FCHO1: variants seen among roughly 807,000 people sequenced by gnomAD.
FCHO1 encodes the protein FCH and mu domain containing endocytic adaptor 1, also known as F-BAR domain only protein 1.
FCHO1 carries 45 observed loss-of-function variants against 114.4 expected under a neutral mutation model. The observed-to-expected ratio is 0.39, with a 90% CI of 0.31 to 0.50. The LOEUF is 0.50. Among genes scored for constraint, FCHO1 ranks in the 20% least tolerant of loss-of-function variants. The pLI, the probability that FCHO1 is intolerant of heterozygous loss-of-function variation, is 0.77. For synonymous variants in FCHO1, 480 were observed against 488.9 expected (o/e 0.98, Z 0.24); for missense variants, 1,042 against 1,209.6 (o/e 0.86, Z 2.06).
chr19:17,767,395 C>CAAA (rs3083683), intron 7 of FCHO1, among the ~76,000 whole-genome samples: 4 of 130,768 alleles, frequency 3.1e-5, no homozygotes, highest in African/African-American at 5.9e-5. Context: ...CCATCTTTAC[C>CAAA]AAAAAAAAAA....
rs569872484 is a variant in FCHO1, at chr19:17,784,630, C to T, written c.2227-95C>T. 181 of 1,172,754 alleles carry T rather than the reference C, an allele frequency of 1.5e-4. No individual in the cohort carries two copies. The African/African-American group carries it at 2.2e-3, about 15-fold the overall frequency. 72.6% of individuals were successfully genotyped at this position (1,172,754 alleles called of 1,614,324 possible). On this transcript the variant is annotated intron_variant, in intron 25 of 28. Coordinates refer to ENST00000596536, the MANE Select transcript of FCHO1 (RefSeq NM_015122.3). The surrounding 1 kb of genome is among the most constrained non-coding windows in gnomAD (Gnocchi z 5.3). ...GTGACTGGACCCCCTTGGGGCGGTG[C>T]GTGCATCGCAGGGTCAAGGTGGTTG...
rs953061953 is a variant in FCHO1 at position 17,764,285 on chromosome 19, T to C, written c.120-90T>C. The C allele has an allele frequency of 7.6e-6, 10 of 1,317,690 alleles. No individual in the cohort carries two copies. In the African/African-American group the frequency reaches 1.2e-4, roughly 15 times the overall value. 81.6% of individuals were successfully genotyped at this position (1,317,690 alleles called of 1,614,324 possible). Reference sequence around the variant, plus strand: ...TGAACTCCTAACCTCAGGTGATCCGTCCGCCTCGGCCTCCCAGAGTGCTGG... The same window carrying C: ...TGAACTCCTAACCTCAGGTGATCCGCCCGCCTCGGCCTCCCAGAGTGCTGG... On this transcript the variant is annotated intron_variant, in intron 5 of 28. Transcript: ENST00000596536.
At chr19:17,771,769 C>G (rs904194354) in intron 9 of FCHO1, among the ~76,000 whole-genome samples, 4 of 152,182 alleles carry the variant, frequency 2.6e-5, no homozygotes, top group African/African-American at 9.7e-5. Flanking sequence ...TCAGTCATAG[C>G]TGAATCCATG....
In FCHO1 at chr19:17,788,546, TA is replaced by T; in HGVS notation, c.*246del. 1.9e-6 allele frequency: 1 copy of T among 521,550 alleles called. No homozygotes were observed. Among genetic ancestry groups the T allele is most frequent in the East Asian group, 3.3e-5 (1 of 30,360 alleles). The allele number at this position is 521,550 out of a possible 1,614,324, so 32.3% of individuals were successfully genotyped here. ...ATAAACACTTTATTTTCTAATAAAA[TA>T]AAAAAGGAAACCTTTTCCTGCTCCA... On this transcript the variant is annotated 3_prime_UTR_variant, in exon 29 of 29. Transcript: ENST00000596536.
intron 11 of FCHO1, 103 bp from the exon 12 acceptor site, chr19:17,774,136 T>C (rs2092252841): frequency 9.5e-6 from 10 of 1,052,446 alleles, no homozygotes; most frequent in Non-Finnish European, 1.5e-5. Flanking sequence ...CTTGAACTCC[T>C]GACCTCAGGT....
At chr19:17,752,635 A>G (rs546355843) in intron 1 of FCHO1, among the ~76,000 whole-genome samples, 1 of 150,082 alleles carries the variant, frequency 6.7e-6, no homozygotes, top group Non-Finnish European at 1.5e-5. Context: ...GTTGTGGCTC[A>G]TGGCTGTAAT....
At chr19:17,786,514 GA>G in intron 26 of FCHO1, 59 bp from the exon 27 acceptor site, 1 of 1,569,788 alleles carries the variant, frequency 6.4e-7, no homozygotes, top group Non-Finnish European at 8.7e-7. Flanking sequence ...GCTGAGGCAG[GA>G]CCCTGGGCTC....
At chr19:17,767,314 G>C (rs1347344909) in intron 7 of FCHO1, among the ~76,000 whole-genome samples, 1 of 151,558 alleles carries the variant, frequency 6.6e-6, no homozygotes, top group East Asian at 1.9e-4. Context: ...TTGGGAGGCT[G>C]AGGCAGGAGG....
chr19:17,751,822 G>A lies in FCHO1; in HGVS notation c.-183+245G>A, dbSNP rs1406705832. Among the ~76,000 whole-genome samples the A allele has an allele frequency of 2.0e-5, 3 of 152,348 alleles. No homozygotes were observed. In the East Asian group the frequency reaches 5.8e-4, roughly 29 times the overall value. The stretch of plus-strand genomic sequence containing the variant: ...CTTGGAAACCCAGAGAGCCACGCGT[G>A]ATGGTTTCAAACAGGAGGTCATTGG... On this transcript the variant is annotated intron_variant, in intron 1 of 28. Coordinates refer to ENST00000596536, the MANE Select transcript of FCHO1 (RefSeq NM_015122.3). This position sits in a 1 kb window ranked among gnomAD's most constrained non-coding sequence, Gnocchi z 4.4.
At chr19:17,750,257 G>C (rs1229040683), upstream of FCHO1, among the ~76,000 whole-genome samples, 2 of 152,078 alleles carry the variant, frequency 1.3e-5, no homozygotes, top group East Asian at 3.9e-4. Context: ...GGAGACTTGG[G>C]TTCTAGCAGG....
chr19:17,778,403 C>T lies in FCHO1; in HGVS notation c.1351+175C>T, dbSNP rs1020395367. 4.2e-5 allele frequency: 32 copies of T among 759,654 alleles called. No homozygotes were observed. The African/African-American group carries it at 5.2e-4, about 12-fold the overall frequency. 47.1% of individuals were successfully genotyped at this position (759,654 alleles called of 1,614,324 possible). A position where few individuals can be genotyped will look rare whatever the true frequency, so the allele number is the denominator to read the frequency against. ...GGAGGGGCCATAGATAGGGTGGGGC[C>T]TTGGCCAGTGGGCGGTGACTGAGTG... is the stretch of plus-strand genomic sequence containing the variant. On this transcript the variant is annotated intron_variant, in intron 19 of 28. Transcript: ENST00000596536.
intron 13 of FCHO1, 165 bp from the exon 14 acceptor site, chr19:17,774,891 C>A (rs2092393509): frequency 2.9e-6 from 2 of 697,238 alleles, no homozygotes; most frequent in Non-Finnish European, 4.9e-6. Flanking sequence ...TCAGATTCAA[C>A]CCCCTCCCCA....
intron 19 of FCHO1, 75 bp from the exon 20 acceptor site, chr19:17,778,534 C>T (rs1242065241): frequency 2.1e-6 from 3 of 1,445,880 alleles, no homozygotes; most frequent in African/African-American, 1.4e-5. Flanking sequence ...TCGACGTGGC[C>T]GTGGCCTGCA....
chr19:17,762,586 A>G (rs921180929), intron 4 of FCHO1, 176 bp from the exon 5 acceptor site: 11 of 609,452 alleles, frequency 1.8e-5, no homozygotes, highest in Admixed American at 2.8e-5. Context: ...GGACAAATTT[A>G]AGGTCCATAG....
chr19:17,765,066 GAA>G (rs574969255), intron 6 of FCHO1, among the ~76,000 whole-genome samples: 5 of 90,474 alleles, frequency 5.5e-5, no homozygotes, highest in Non-Finnish European at 6.9e-5. Context: ...ACTCTGTTTT[GAA>G]AAAAAAAAAA....
Position 17,771,369 on chromosome 19 carries a change from AAG to A in FCHO1, c.594+475_594+476del, listed in dbSNP as rs747239441. On this transcript the variant is annotated intron_variant, in intron 9 of 28. Coordinates refer to ENST00000596536, the MANE Select transcript of FCHO1 (RefSeq NM_015122.3). Reference sequence around the variant, plus strand: ...CCGACAGGTGTATATAAAAAAAAAAAAGAAAAGAAAAGAAAAAGGCTGGGCGC... The same window carrying A: ...CCGACAGGTGTATATAAAAAAAAAAAAAAAGAAAAGAAAAAGGCTGGGCGC... Among the ~76,000 whole-genome samples the A allele has an allele frequency of 4.4e-3, 642 of 145,448 alleles. 6 individuals are homozygous for A. Among genetic ancestry groups the A allele is most frequent in the Middle Eastern group, 0.014 (4 of 290 alleles).
chr19:17,762,918 T>C (rs2086920003), intron 5 of FCHO1, 65 bp downstream of exon 5: 1 of 1,104,448 alleles, frequency 9.1e-7, no homozygotes, highest in Middle Eastern at 2.7e-4. Context: ...GCCCACCTAA[T>C]GGCTACGCCC....
intron 5 of FCHO1, among the ~76,000 whole-genome samples, chr19:17,763,570 T>TTC (rs2087355041): frequency 6.9e-6 from 1 of 145,294 alleles, no homozygotes; most frequent in South Asian, 2.2e-4. Flanking sequence ...TGCCTTTTTT[T>TTC]TTTTTTTTCT....
intron 6 of FCHO1, among the ~76,000 whole-genome samples, chr19:17,765,476 A>G (rs1322242417): frequency 6.6e-6 from 1 of 152,058 alleles, no homozygotes; most frequent in African/African-American, 2.4e-5. Flanking sequence ...GTTCGAGACC[A>G]GCCTGGGCAA....
Sources: allele counts gnomAD v4.1 joint callset (sites outside exome capture counted in the v4.1 genomes callset), GRCh38; gene constraint gnomAD v4.1.1; non-coding constraint Gnocchi (gnomAD v3.1); transcripts MANE v1.5; gene names NCBI Gene and HGNC (gene_info 2026-07-23, HGNC 2026-07-21).